The following MAST2 variants were observed in gnomAD, a reference collection of about 807,000 sequenced individuals.
The protein encoded by MAST2 is microtubule associated serine/threonine kinase 2.
Under a neutral mutation model 147.4 loss-of-function variants are expected in MAST2, and 70 were observed. That is an observed-to-expected ratio of 0.47 (90% CI 0.39 to 0.58). The LOEUF is 0.58. Among genes scored for constraint, MAST2 ranks in the 20% least tolerant of loss-of-function variants. The pLI is 0.00. For missense variants in MAST2, 2,080 were observed against 2,302.3 expected (o/e 0.90, Z 1.98); for synonymous variants, 869 against 896.8 (o/e 0.97, Z 0.55).
chr1:46,022,992 C>A, intron 13 of MAST2, 21 bp downstream of exon 13: 1 of 1,608,446 alleles, frequency 6.2e-7, no homozygotes, highest in Non-Finnish European at 8.5e-7. Flanking sequence ...TGAGCTCCTA[C>A]CCCATTCCTG....
rs908630468 is a variant in MAST2, at chr1:45,920,994, TTTTGTTTG to T, written c.501-38379_501-38372del. 6.6e-5 allele frequency among the ~76,000 whole-genome samples: 10 copies of T among 152,054 alleles called. No individual in the cohort carries two copies. In the East Asian group the frequency reaches 1.7e-3, roughly 26 times the overall value. On this transcript the variant is annotated intron_variant, in intron 4 of 28. Transcript: ENST00000361297. ...ATCTTACTCCAATGTCTGTGGTGTTTTTTGTTTGTTTGTTTGTTTGAGACGGAGTCTCA... is the reference window on the plus strand; with the variant it reads ...ATCTTACTCCAATGTCTGTGGTGTTTTTTGTTTGTTTGAGACGGAGTCTCA...
At chr1:45,993,229 C>T (rs1195930913) in intron 5 of MAST2, among the ~76,000 whole-genome samples, 1 of 152,088 alleles carries the variant, frequency 6.6e-6, no homozygotes, top group Non-Finnish European at 1.5e-5. Context: ...TCCCATTGCT[C>T]TTCATTCTTT....
At chr1:46,029,247 A>C (rs964291504) in intron 18 of MAST2, 2 of 552,108 alleles carry the variant, frequency 3.6e-6, no homozygotes, top group Admixed American at 3.0e-5. Flanking sequence ...GTATAAAAGC[A>C]GGGTGAGCTA....
chr1:45,965,842 A>G lies in MAST2; in HGVS notation c.592+6365A>G, dbSNP rs116640055. Among the ~76,000 whole-genome samples the G allele has an allele frequency of 2.2e-3, 342 of 152,176 alleles. 2 individuals carry two copies. Among genetic ancestry groups the G allele is most frequent in the African/African-American group, 7.8e-3 (324 of 41,528 alleles). On this transcript the variant is annotated intron_variant, in intron 5 of 28. Coordinates refer to ENST00000361297, the MANE Select transcript of MAST2 (RefSeq NM_015112.3). ...ATAGGCTCCCCATTATCAGCTCCCT[A>G]CCAGAGTGCTACATTTGTTACAGTT... is the stretch of plus-strand genomic sequence containing the variant.
At chr1:45,838,402 T>C (rs1645171398) in intron 3 of MAST2, among the ~76,000 whole-genome samples, 1 of 151,560 alleles carries the variant, frequency 6.6e-6, no homozygotes, top group South Asian at 2.1e-4. Context: ...TCTGTATTTT[T>C]AATAGAGACG....
At chr1:45,886,758 C>T (rs1281172797) in intron 4 of MAST2, among the ~76,000 whole-genome samples, 1 of 152,152 alleles carries the variant, frequency 6.6e-6, no homozygotes, top group African/African-American at 2.4e-5. Flanking sequence ...GCTTTTCTTG[C>T]CCAATGCTAT....
At chr1:45,867,518 A>G (rs1646204275) in intron 3 of MAST2, among the ~76,000 whole-genome samples, 1 of 151,498 alleles carries the variant, frequency 6.6e-6, no homozygotes, top group Admixed American at 6.6e-5. Flanking sequence ...TGTTCTAGTC[A>G]TATAACCACA....
chr1:45,944,556 T>C (rs1161839311), intron 4 of MAST2, among the ~76,000 whole-genome samples: 2 of 152,210 alleles, frequency 1.3e-5, no homozygotes, highest in Admixed American at 6.5e-5. Context: ...GTAGCAATCA[T>C]TTATTCACCC....
At chr1:45,886,499 G>C (rs557564046) in intron 4 of MAST2, among the ~76,000 whole-genome samples, 1 of 152,030 alleles carries the variant, frequency 6.6e-6, no homozygotes, top group African/African-American at 2.4e-5. Context: ...ATTTATTTTA[G>C]ATGTAGCTTC....
chr1:45,937,941 C>T (rs553571287), intron 4 of MAST2, among the ~76,000 whole-genome samples: 32 of 152,076 alleles, frequency 2.1e-4, no homozygotes, highest in Non-Finnish European at 3.8e-4. Context: ...ACTTCTGTCA[C>T]TCAGAAAGTT....
Position 46,027,809 on chromosome 1 carries a change from G to A in MAST2, c.1998G>A (p.Thr666=), listed in dbSNP as rs573978021. The A allele has an allele frequency of 4.3e-5, 69 of 1,614,022 alleles. No homozygotes were observed. Among genetic ancestry groups the A allele is most frequent in the South Asian group, 9.9e-5 (9 of 91,082 alleles). ...AAATTGGCCTCATGAGTCTGACAAC[G>A]AACTTGTATGAGGGTCATATTGAAA... ...LSKIGLMSLT[T]NLYEGHIEKD... Residue 666 remains threonine, a synonymous_variant, in exon 17 of 29, where the codon ACG becomes ACA. Coordinates refer to ENST00000361297, the MANE Select transcript of MAST2 (RefSeq NM_015112.3).
chr1:45,871,769 A>G (rs1646401777), intron 3 of MAST2, among the ~76,000 whole-genome samples: 2 of 152,358 alleles, frequency 1.3e-5, no homozygotes, highest in South Asian at 4.1e-4. Flanking sequence ...AGTAGGCCCT[A>G]GAATGTTCAC....
chr1:45,927,566 TGACTCACC>T (rs1654591804), intron 4 of MAST2, among the ~76,000 whole-genome samples: 1 of 152,228 alleles, frequency 6.6e-6, no homozygotes, highest in Admixed American at 6.5e-5. Context: ...CTGTTCTGCC[TGACTCACC>T]GGCGGTCAGA....
intron 3 of MAST2, among the ~76,000 whole-genome samples, chr1:45,863,614 G>C (rs534469133): frequency 1.3e-5 from 2 of 152,176 alleles, no homozygotes; most frequent in Non-Finnish European, 2.9e-5. Context: ...CTTGTAAATA[G>C]ACTTTCCTTC....
Position 46,023,076 on chromosome 1 carries a change from G to T in MAST2, c.1485+105G>T. 7.9e-7 allele frequency: 1 copy of T among 1,263,738 alleles called. No individual in the cohort carries two copies. Among genetic ancestry groups the T allele is most frequent in the Admixed American group, 1.8e-5 (1 of 57,092 alleles). 78.3% of individuals were successfully genotyped at this position (1,263,738 alleles called of 1,614,324 possible). A position where few individuals can be genotyped will look rare whatever the true frequency, so the allele number is the denominator to read the frequency against. ...TATCTGAGGAAGGGATGGGGGAGTT[G>T]GTGACAGCAAACACTGAGAAGTCAT... On this transcript the variant is annotated intron_variant, in intron 13 of 28. Coordinates refer to ENST00000361297, the MANE Select transcript of MAST2 (RefSeq NM_015112.3). This position sits in a 1 kb window ranked among gnomAD's most constrained non-coding sequence, Gnocchi z 4.9.
intron 4 of MAST2, among the ~76,000 whole-genome samples, chr1:45,953,870 CAA>C (rs1659285327): frequency 1.3e-5 from 2 of 152,062 alleles, no homozygotes; most frequent in African/African-American, 4.8e-5. Context: ...AATAATATAT[CAA>C]TAATAATATA....
chr1:45,892,550 A>G (rs561886337), intron 4 of MAST2, among the ~76,000 whole-genome samples: 1 of 152,190 alleles, frequency 6.6e-6, no homozygotes, highest in East Asian at 1.9e-4. Context: ...GACTCATTCC[A>G]CTGGAATGAT....
intron 10 of MAST2, among the ~76,000 whole-genome samples, chr1:46,018,348 A>T (rs190741395): frequency 2.6e-5 from 4 of 152,244 alleles, no homozygotes; most frequent in Admixed American, 2.6e-4. Context: ...AGATCAGTGC[A>T]CCCAGCTGCC....
intron 21 of MAST2, 104 bp downstream of exon 21, chr1:46,030,342 G>A: frequency 8.7e-7 from 1 of 1,155,924 alleles, no homozygotes; most frequent in Non-Finnish European, 1.3e-6. Context: ...TTGGGGTTGG[G>A]GCCACCTCTA....
Sources: allele counts gnomAD v4.1 joint callset (sites outside exome capture counted in the v4.1 genomes callset), GRCh38; gene constraint gnomAD v4.1.1; non-coding constraint Gnocchi (gnomAD v3.1); transcripts MANE v1.5; gene names NCBI Gene and HGNC (gene_info 2026-07-23, HGNC 2026-07-21).